The following RYR2 variants were observed in gnomAD, a reference collection of about 807,000 sequenced individuals.
RYR2 encodes cardiac muscle ryanodine receptor-calcium release channel.
RYR2 carries 227 observed loss-of-function variants against 601.1 expected under a neutral mutation model. The ratio of observed to expected loss-of-function variants is 0.38; its 90% CI spans 0.34 to 0.42. The LOEUF is 0.42. Among genes scored for constraint, RYR2 ranks in the 10% least tolerant of loss-of-function variants. The pLI is 1.00. For missense variants in RYR2, 4,646 were observed against 6,156.5 expected (o/e 0.75, Z 8.21); for synonymous variants, 2,223 against 2,175.1 (o/e 1.02, Z -0.61).
intron 17 of RYR2, among the ~76,000 whole-genome samples, chr1:237,480,327 G>A (rs1345858786): frequency 1.4e-5 from 2 of 147,346 alleles, no homozygotes; most frequent in Non-Finnish European, 3.0e-5. Flanking sequence ...GCTGAGGCAG[G>A]AGGATCGCTT....
chr1:237,664,581 C>A (rs1684120956), intron 56 of RYR2, among the ~76,000 whole-genome samples: 2 of 152,168 alleles, frequency 1.3e-5, no homozygotes. Context: ...TCTTGTGAGA[C>A]TTATTCACTA....
At chr1:237,246,902 A>G (rs1331683135) in intron 1 of RYR2, among the ~76,000 whole-genome samples, 3 of 152,190 alleles carry the variant, frequency 2.0e-5, no homozygotes, top group African/African-American at 7.2e-5. Context: ...CACTCATGAA[A>G]TAGAGAACCT....
chr1:237,064,747 CTGTCTTTTTTTTTTT>C (rs1472911250), intron 1 of RYR2, among the ~76,000 whole-genome samples: 3 of 74,192 alleles, frequency 4.0e-5, no homozygotes, highest in African/African-American at 9.7e-5. Flanking sequence ...TTACTAGAAC[CTGTCTTTTTTTTTTT>C]TTTTTTTTTT....
At chr1:237,342,303 T>C (rs771696493) in intron 3 of RYR2, among the ~76,000 whole-genome samples, 19 of 150,432 alleles carry the variant, frequency 1.3e-4, no homozygotes, top group Non-Finnish European at 2.4e-4. Context: ...CCACCATGCC[T>C]GGCTAATTAA....
chr1:237,757,831 G>A lies in RYR2; in HGVS notation c.11325+55G>A, dbSNP rs1265543669. On this transcript the variant is annotated intron_variant, in intron 82 of 104. Transcript: ENST00000366574. ...ACTTTTCAGACAAATGGACCATATA[G>A]TAAAGAACTATTTGTTGTAAAATGT... is the stretch of plus-strand genomic sequence containing the variant. 5 of 1,064,076 alleles carry A rather than the reference G, an allele frequency of 4.7e-6. No homozygotes were observed. In the Admixed American group the frequency reaches 5.4e-5, roughly 12 times the overall value. The allele number at this position is 1,064,076 out of a possible 1,614,324, so 65.9% of individuals were successfully genotyped here. A position where few individuals can be genotyped will look rare whatever the true frequency, so the allele number is the denominator to read the frequency against.
chr1:237,518,344 G>A (rs1666765104), intron 24 of RYR2, among the ~76,000 whole-genome samples: 1 of 151,926 alleles, frequency 6.6e-6, no homozygotes, highest in African/African-American at 2.4e-5. Flanking sequence ...AAGACTTTGA[G>A]GGTATCCATC....
chr1:237,638,425 C>T lies in RYR2; in HGVS notation c.6861C>T (p.Asp2287=). 6.2e-7 allele frequency: 1 copy of T among 1,613,950 alleles called. No homozygotes were observed. Residue 2287 remains aspartate, a synonymous_variant, in exon 45 of 105, where the codon GAC becomes GAT. Coordinates refer to ENST00000366574, the MANE Select transcript of RYR2 (RefSeq NM_001035.3). The part of the protein sequence containing the change: ...CQMLVSKGYP[D]IGWNPVEGER... Reference sequence around the variant, plus strand: ...TGCTGGTGTCTAAGGGCTATCCAGACATTGGGTGGAACCCAGTTGAAGGAG... The same window carrying T: ...TGCTGGTGTCTAAGGGCTATCCAGATATTGGGTGGAACCCAGTTGAAGGAG...
At chr1:237,805,580 CAAAAAAAAAAAA>C (rs772404939) in intron 98 of RYR2, among the ~76,000 whole-genome samples, 7 of 37,684 alleles carry the variant, frequency 1.9e-4, no homozygotes, top group Non-Finnish European at 3.2e-4. Context: ...GACTCTGTCT[CAAAAAAAAAAAA>C]AAAAAAAAAA....
chr1:237,788,927 T>C (rs1657992902), intron 92 of RYR2, among the ~76,000 whole-genome samples: 1 of 151,932 alleles, frequency 6.6e-6, no homozygotes, highest in South Asian at 2.1e-4. Flanking sequence ...CTCCTATCCT[T>C]TTCCTCCATG....
chr1:237,246,456 C>G (rs887688512), intron 1 of RYR2, among the ~76,000 whole-genome samples: 22 of 152,118 alleles, frequency 1.4e-4, no homozygotes, highest in Non-Finnish European at 4.4e-5. Context: ...ATTGAATTAG[C>G]TGGGGGTTGC....
chr1:237,808,664 A>AAAAC (rs1553335683), intron 99 of RYR2, among the ~76,000 whole-genome samples: 147 of 150,678 alleles, frequency 9.8e-4, no homozygotes, highest in African/African-American at 3.2e-3. Flanking sequence ...CAAAAAAAAA[A>AAAAC]AAAACAAAAT....
At chr1:237,226,646 G>A (rs904538720) in intron 1 of RYR2, among the ~76,000 whole-genome samples, 2 of 152,180 alleles carry the variant, frequency 1.3e-5, no homozygotes, top group African/African-American at 4.8e-5. Context: ...TAGAGAGGAA[G>A]TGATTGGTGG....
intron 75 of RYR2, among the ~76,000 whole-genome samples, chr1:237,726,876 T>C (rs1465169022): frequency 1.3e-5 from 2 of 152,128 alleles, no homozygotes; most frequent in African/African-American, 2.4e-5. Flanking sequence ...CATTTGCAAC[T>C]ATCTAAATTT....
intron 27 of RYR2, 135 bp from the exon 28 acceptor site, chr1:237,566,432 G>T: frequency 1.1e-6 from 1 of 873,586 alleles, no homozygotes; most frequent in South Asian, 1.8e-5. Context: ...AAGATAAGAA[G>T]GTATCATTAT....
intron 100 of RYR2, 53 bp from the exon 101 acceptor site, chr1:237,818,982 GA>G (rs932345021): frequency 1.7e-4 from 255 of 1,488,144 alleles, no homozygotes; most frequent in Admixed American, 4.2e-4. Context: ...GGTTTGTCGA[GA>G]AAAAAAAATG....
intron 1 of RYR2, among the ~76,000 whole-genome samples, chr1:237,045,377 C>T (rs1660448765): frequency 6.6e-6 from 1 of 152,130 alleles, no homozygotes; most frequent in African/African-American, 2.4e-5. Flanking sequence ...GGGTTTGTCA[C>T]TGTTTAGCTT....
At chr1:237,285,065 T>C (rs1040686249) in intron 2 of RYR2, among the ~76,000 whole-genome samples, 1 of 152,158 alleles carries the variant, frequency 6.6e-6, no homozygotes, top group Non-Finnish European at 1.5e-5. Context: ...TCCAGTACTA[T>C]GTTGAAGAGG....
intron 2 of RYR2, among the ~76,000 whole-genome samples, chr1:237,306,763 C>T (rs1162827417): frequency 2.0e-5 from 3 of 152,180 alleles, no homozygotes; most frequent in South Asian, 2.1e-4. Flanking sequence ...AATTTTACGT[C>T]GTCTGCTGGT....
At chr1:237,252,708 C>T (rs1687578511) in intron 1 of RYR2, among the ~76,000 whole-genome samples, 1 of 152,118 alleles carries the variant, frequency 6.6e-6, no homozygotes, top group Non-Finnish European at 1.5e-5. Context: ...TTTGATTAAT[C>T]CCTTGTGACA....
Sources: allele counts gnomAD v4.1 joint callset (sites outside exome capture counted in the v4.1 genomes callset), GRCh38; gene constraint gnomAD v4.1.1; transcripts MANE v1.5; gene names NCBI Gene and HGNC (gene_info 2026-07-23, HGNC 2026-07-21).